NUB1: variants seen among roughly 807,000 people sequenced by gnomAD.
NUB1 encodes the protein NEDD8 ultimate buster 1.
A neutral mutation model predicts 77.1 loss-of-function variants in NUB1; 41 were observed. That is an observed-to-expected ratio of 0.53 (90% CI 0.41 to 0.69). The LOEUF (loss-of-function observed/expected upper bound fraction) is 0.69. NUB1 is among the 30% of genes least tolerant of loss of function. NUB1 has a pLI of 0.00. For missense variants in NUB1, 643 were observed against 743.8 expected (o/e 0.86, Z 1.58); for synonymous variants, 257 against 281.0 (o/e 0.91, Z 0.85).
At chr7:151,359,500 C>T (rs889964417) in intron 7 of NUB1, among the ~76,000 whole-genome samples, 56 of 151,476 alleles carry the variant, frequency 3.7e-4, no homozygotes, top group Non-Finnish European at 3.2e-4. Context: ...TACAAGCAGC[C>T]GGGCACCGTG....
intron 14 of NUB1, 37 bp from the exon 15 acceptor site, chr7:151,377,010 C>T (rs993116783): frequency 4.0e-6 from 6 of 1,491,020 alleles, no homozygotes; most frequent in Admixed American, 2.3e-5. Flanking sequence ...GGACAATCCT[C>T]ACATAATTCA....
intron 7 of NUB1, among the ~76,000 whole-genome samples, chr7:151,357,777 T>G (rs1797152621): frequency 6.6e-6 from 1 of 150,894 alleles, no homozygotes; most frequent in Admixed American, 6.6e-5. Flanking sequence ...GCCTGGCTAA[T>G]TTTTGTATTT....
intron 11 of NUB1, among the ~76,000 whole-genome samples, chr7:151,372,252 A>G (rs1344347298): frequency 2.6e-5 from 4 of 152,258 alleles, no homozygotes; most frequent in Non-Finnish European, 5.9e-5. Context: ...ACTCACTGTC[A>G]TTGATTTGAT....
At chr7:151,350,043 G>T (rs1236550846) in intron 3 of NUB1, among the ~76,000 whole-genome samples, 1 of 152,210 alleles carries the variant, frequency 6.6e-6, no homozygotes, top group Non-Finnish European at 1.5e-5. Context: ...ACCGGACAGG[G>T]GGCCTTTCCC....
At chr7:151,367,292 A>G (rs1327775418) in intron 9 of NUB1, among the ~76,000 whole-genome samples, 167 bp downstream of exon 9, 6 of 152,232 alleles carry the variant, frequency 3.9e-5, no homozygotes. Flanking sequence ...ATGTTTTACA[A>G]ATCTGGCTGT....
chr7:151,374,044 GCTGTGAAATCTCAGTCC>G, intron 11 of NUB1, 36 bp from the exon 12 acceptor site: 6 of 1,502,808 alleles, frequency 4.0e-6, no homozygotes, highest in Non-Finnish European at 5.4e-6. Context: ...AGACTGAGAG[GCTGTGAAATCTCAGTCC>G]CTAACTTGGG....
intron 11 of NUB1, among the ~76,000 whole-genome samples, chr7:151,370,114 T>C (rs938276364): frequency 5.9e-5 from 9 of 151,742 alleles, no homozygotes; most frequent in Non-Finnish European, 2.9e-5. Flanking sequence ...TTTTTTTTAT[T>C]CCAGAGTCTC....
chr7:151,357,601 G>T (rs1584949349), intron 7 of NUB1, among the ~76,000 whole-genome samples: 1 of 147,108 alleles, frequency 6.8e-6, no homozygotes, highest in Non-Finnish European at 1.5e-5. Flanking sequence ...TAAAATTAAA[G>T]ATTAAAGTTT....
rs1027736516 is a variant in NUB1 at position 151,378,061 on chromosome 7, G to T, written c.*836G>T. On this transcript the variant is annotated 3_prime_UTR_variant, in exon 15 of 15. Coordinates refer to ENST00000568733, the MANE Select transcript of NUB1 (RefSeq NM_001243351.2). ...GATATATTTTCTCCAGGTTTTTTGT[G>T]GGTTTTCTTTGTTGTTGTTGTTGTT... 1 of 152,186 alleles carries T rather than the reference G, an allele frequency of 6.6e-6. No individual in the cohort carries two copies. The highest frequency in any genetic ancestry group is 6.5e-5 in the Admixed American group (1 of 15,282). 9.4% of individuals were successfully genotyped at this position (152,186 alleles called of 1,614,324 possible). A position where few individuals can be genotyped will look rare whatever the true frequency, so the allele number is the denominator to read the frequency against.
intron 8 of NUB1, among the ~76,000 whole-genome samples, chr7:151,362,596 A>G (rs971545952): frequency 6.6e-6 from 1 of 152,200 alleles, no homozygotes; most frequent in African/African-American, 2.4e-5. Flanking sequence ...AGGGGAGCTC[A>G]GTGTCTGGAG....
At chr7:151,370,934 ACACTCATGT>A (rs950950797) in intron 11 of NUB1, among the ~76,000 whole-genome samples, 1 of 152,188 alleles carries the variant, frequency 6.6e-6, no homozygotes, top group Non-Finnish European at 1.5e-5. Flanking sequence ...AAACATTGTC[ACACTCATGT>A]CATTCACTTC....
In NUB1 at chr7:151,375,866, C is replaced by G; in HGVS notation, c.1414C>G (p.Gln472Glu). Residue 472 changes from glutamine (Q) to glutamate (E), a missense_variant, in exon 13 of 15, where the codon CAG becomes GAG. By Grantham distance (29) the Gln-to-Glu change is conservative (BLOSUM62 2). Transcript: ENST00000568733. ...GTTTTAGATTCTGCTCAGCAATCCTCAGATGTGGTGGTTAAATGATTCCAA... is the reference window on the plus strand; with the variant it reads ...GTTTTAGATTCTGCTCAGCAATCCTGAGATGTGGTGGTTAAATGATTCCAA... ...EALKILLSNP[Q>E]MWWLNDSNPE... 1 of 1,611,690 alleles carries G rather than the reference C, an allele frequency of 6.2e-7. No individual in the cohort carries two copies. Among genetic ancestry groups the G allele is most frequent in the Non-Finnish European group, 8.5e-7 (1 of 1,177,814 alleles).
rs551356969 is a variant in NUB1 at position 151,377,392 on chromosome 7, C to T, written c.*167C>T. 6.0e-6 allele frequency: 3 copies of T among 499,116 alleles called. No homozygotes were observed. Among genetic ancestry groups the T allele is most frequent in the Non-Finnish European group, 1.0e-5 (3 of 288,290 alleles). The allele number at this position is 499,116 out of a possible 1,614,324, so 30.9% of individuals were successfully genotyped here. On this transcript the variant is annotated 3_prime_UTR_variant, in exon 15 of 15. Transcript: ENST00000568733. ...CAGGAGGGGTCCCAGGGCCTTCATG[C>T]GTGGTCTCGGGGAAGAAGCTTCCTC...
intron 11 of NUB1, among the ~76,000 whole-genome samples, chr7:151,371,442 C>G (rs1797955406): frequency 7.1e-6 from 1 of 140,530 alleles, no homozygotes; most frequent in African/African-American, 2.6e-5. Flanking sequence ...AGGGAAAATC[C>G]TGAGCTTCTT....
At chr7:151,366,794 A>G in intron 8 of NUB1, 145 bp from the exon 9 acceptor site, 5 of 585,550 alleles carry the variant, frequency 8.5e-6, no homozygotes, top group Middle Eastern at 4.6e-4. Context: ...CTTCCTAAAC[A>G]TTAGGATCTC....
chr7:151,360,149 G>A lies in NUB1; in HGVS notation c.702G>A (p.Met234Ile), dbSNP rs1303207201. The change falls in exon 8 of 15, where the codon ATG becomes ATA. Residue 234 changes from methionine to isoleucine, a missense_variant. Transcript: ENST00000568733. ...TTTGTATTTTTTCCTAGGCCCTTATGTTAGCTATGGGATATCATGAGAAGG... is the reference window on the plus strand; with the variant it reads ...TTTGTATTTTTTCCTAGGCCCTTATATTAGCTATGGGATATCATGAGAAGG... The part of the protein sequence containing the change: ...RIPPSERKAL[M>I]LAMGYHEKGR... 6.4e-7 allele frequency: 1 copy of A among 1,559,628 alleles called. No homozygotes were observed. Among genetic ancestry groups the A allele is most frequent in the South Asian group, 1.1e-5 (1 of 88,512 alleles).
chr7:151,352,052 T>C (rs899584191), intron 4 of NUB1: 13 of 456,270 alleles, frequency 2.8e-5, no homozygotes, highest in Middle Eastern at 3.2e-4. Context: ...GGTGTATTTC[T>C]TCAGCTGATT....
chr7:151,376,029 TG>T lies in NUB1; in HGVS notation c.1491+91del, dbSNP rs1460452954. On this transcript the variant is annotated intron_variant, in intron 13 of 14. Coordinates refer to ENST00000568733, the MANE Select transcript of NUB1 (RefSeq NM_001243351.2). ...ACCCGGGTGAATCAGGCAGCAGGAC[TG>T]GGGGAGTCCGTGCTGAAACCTTGGC... 4.7e-6 allele frequency: 4 copies of T among 849,436 alleles called. No individual in the cohort carries two copies. In the African/African-American group the frequency reaches 5.0e-5, roughly 11 times the overall value. The allele number at this position is 849,436 out of a possible 1,614,324, so 52.6% of individuals were successfully genotyped here.
At chr7:151,376,354 G>C in intron 13 of NUB1, 2 of 494,024 alleles carry the variant, frequency 4.0e-6, no homozygotes, top group Middle Eastern at 5.4e-4. Context: ...CTGACCTCGC[G>C]GTGCTCGTGG....
Sources: gnomAD v4.1 joint callset for allele counts (sites outside exome capture counted in the v4.1 genomes callset) on GRCh38, gnomAD v4.1.1 for gene constraint, MANE v1.5 for transcripts, NCBI Gene and HGNC (gene_info 2026-07-23, HGNC 2026-07-21) for gene names.